Variants in NRSN1 observed in about 807,000 individuals in gnomAD.
The protein encoded by NRSN1 is neurensin-1.
A neutral mutation model predicts 17.3 loss-of-function variants in NRSN1; 14 were observed. The observed-to-expected ratio is 0.81, with a 90% confidence interval of 0.54 to 1.27. NRSN1 has a LOEUF of 1.27. NRSN1 is among the 50% of genes most tolerant of loss of function. The probability of loss-of-function intolerance (pLI) is 0.00; values close to 1 mark genes in which losing one functional copy is unlikely to be tolerated. For synonymous variants in NRSN1, 79 were observed against 94.2 expected (o/e 0.84, Z 0.93); for missense variants, 209 against 235.9 (o/e 0.89, Z 0.75).
Position 24,145,803 on chromosome 6 carries a change from T to C in NRSN1, c.445T>C (p.Phe149Leu). 6.2e-7 allele frequency: 1 copy of C among 1,613,916 alleles called. No individual in the cohort carries two copies. Among genetic ancestry groups the C allele is most frequent in the Non-Finnish European group, 8.5e-7 (1 of 1,179,984 alleles). Reference protein sequence around the residue: ...FVKSYSKEEKFLQQKFKERIA... With the variant: ...FVKSYSKEEKLLQQKFKERIA... The stretch of plus-strand genomic sequence containing the variant: ...AAAGAGCTACTCCAAAGAAGAAAAA[T>C]TCCTCCAGCAGAAGTTTAAAGAACG... The change falls in exon 4 of 4, where the codon TTC becomes CTC. Residue 149 changes from phenylalanine to leucine, a missense_variant. Phe to Leu is a conservative substitution (Grantham distance 22, BLOSUM62 0). Coordinates refer to ENST00000378491, the MANE Select transcript of NRSN1 (RefSeq NM_080723.5). This position sits in a 1 kb window ranked among gnomAD's most constrained non-coding sequence, Gnocchi z 4.4.
At position 24,131,957 on chromosome 6, in the gene NRSN1, T is replaced by C. The variant is rs1760039705; in HGVS notation, c.-9-2362T>C. Among the ~76,000 whole-genome samples, 4 of 151,844 alleles carry C rather than the reference T, an allele frequency of 2.6e-5. No individual in the cohort carries two copies. In the Middle Eastern group the frequency reaches 0.01, roughly 387 times the overall value. On this transcript the variant is annotated intron_variant, in intron 2 of 3. Coordinates refer to ENST00000378491, the MANE Select transcript of NRSN1 (RefSeq NM_080723.5). The stretch of plus-strand genomic sequence containing the variant: ...GTGTTCGTGTGTGGGGGAGTGCAGG[T>C]GTGGGTGTGTATGTGTAGACTCTTG...
At chr6:24,134,200 T>G (rs1760082490) in intron 2 of NRSN1, 119 bp from the exon 3 acceptor site, 1 of 808,144 alleles carries the variant, frequency 1.2e-6, no homozygotes, top group Non-Finnish European at 1.9e-6. Context: ...TTTTCTGTAA[T>G]GAAAAGAGCA....
At position 24,133,942 on chromosome 6, in the gene NRSN1, T is replaced by C. The variant is rs139593432; in HGVS notation, c.-9-377T>C. ...AGCCCCACCTCCCGGGTTCACGCCA[T>C]TCTCCTGCCTCAGCCTCCCAAGTAG... On this transcript the variant is annotated intron_variant, in intron 2 of 3. Transcript: ENST00000378491. 3.6e-3 allele frequency among the ~76,000 whole-genome samples: 542 copies of C among 151,866 alleles called. 7 individuals are homozygous for C. The highest frequency in any genetic ancestry group is 0.012 in the African/African-American group (497 of 41,448).
intron 1 of NRSN1, among the ~76,000 whole-genome samples, chr6:24,127,923 TA>T (rs1227033613): frequency 3.3e-5 from 5 of 152,232 alleles, no homozygotes; most frequent in Non-Finnish European, 5.9e-5. Context: ...ATTCACTTTA[TA>T]AATTATTATG....
chr6:24,142,850 G>A (rs893793839), intron 3 of NRSN1, among the ~76,000 whole-genome samples: 2 of 152,200 alleles, frequency 1.3e-5, no homozygotes, highest in South Asian at 2.1e-4. Context: ...AGGGTGGAAA[G>A]AGACCAGAGC....
At chr6:24,141,298 C>T in intron 3 of NRSN1, 2 of 1,213,624 alleles carry the variant, frequency 1.6e-6, no homozygotes, top group Non-Finnish European at 2.1e-6. Context: ...TATGGAATTG[C>T]TCCCTCAATT....
chr6:24,131,034 T>C (rs1027034521), intron 2 of NRSN1, among the ~76,000 whole-genome samples: 2 of 152,126 alleles, frequency 1.3e-5, no homozygotes, highest in African/African-American at 2.4e-5. Flanking sequence ...AAACAGACCA[T>C]GTTCTTGTTC....
intron 2 of NRSN1, among the ~76,000 whole-genome samples, chr6:24,131,387 G>A (rs767031368): frequency 7.2e-5 from 11 of 152,166 alleles, no homozygotes; most frequent in Non-Finnish European, 1.3e-4. Context: ...TCTTACTGTT[G>A]CTATGAGGGA....
chr6:24,135,215 A>G (rs962061295), intron 3 of NRSN1, among the ~76,000 whole-genome samples: 2 of 152,232 alleles, frequency 1.3e-5, no homozygotes, highest in Admixed American at 1.3e-4. Context: ...TTAGGTAGTG[A>G]TAGTGCTATG....
chr6:24,138,645 A>C (rs1442638583), intron 3 of NRSN1, among the ~76,000 whole-genome samples: 1 of 152,096 alleles, frequency 6.6e-6, no homozygotes, highest in Non-Finnish European at 1.5e-5. Context: ...AGCCTTACAA[A>C]CTGTGAAAGT....
At chr6:24,140,895 C>G (rs1459205437) in intron 3 of NRSN1, 1 of 1,308,706 alleles carries the variant, frequency 7.6e-7, no homozygotes, top group Non-Finnish European at 9.8e-7. Flanking sequence ...AATAAGTTCT[C>G]TTTCCTTTCC....
In NRSN1 at chr6:24,134,323, G is replaced by A. The variant is rs748362635; in HGVS notation, c.-5G>A. 1.9e-6 allele frequency: 3 copies of A among 1,613,352 alleles called. No individual in the cohort carries two copies. The East Asian group carries it at 6.7e-5, about 36-fold the overall frequency. On this transcript the variant is annotated 5_prime_UTR_variant, in exon 3 of 4. Coordinates refer to ENST00000378491, the MANE Select transcript of NRSN1 (RefSeq NM_080723.5). ...ATGTGGATGTTGTCATTCCAGCTGG[G>A]AAGGATGAGTTCTTGCAGCAACGTC...
intron 2 of NRSN1, among the ~76,000 whole-genome samples, chr6:24,132,860 A>T (rs941069276): frequency 2.6e-5 from 4 of 152,064 alleles, no homozygotes; most frequent in African/African-American, 9.7e-5. Context: ...CCACCCCCTG[A>T]CAGGTGTGTG....
At chr6:24,144,815 A>G (rs1196221321) in intron 3 of NRSN1, among the ~76,000 whole-genome samples, 1 of 151,894 alleles carries the variant, frequency 6.6e-6, no homozygotes, top group Non-Finnish European at 1.5e-5. Flanking sequence ...GCAGAACAGC[A>G]TGGCCTTGCT....
intron 2 of NRSN1, among the ~76,000 whole-genome samples, chr6:24,131,781 T>C (rs977088666): frequency 6.6e-6 from 1 of 152,212 alleles, no homozygotes; most frequent in African/African-American, 2.4e-5. Flanking sequence ...AAATAGAAGG[T>C]ACTGAAGAGA....
At chr6:24,142,191 C>CTTTGTT (rs1760219142) in intron 3 of NRSN1, among the ~76,000 whole-genome samples, 1 of 44,446 alleles carries the variant, frequency 2.2e-5, no homozygotes, top group Non-Finnish European at 4.2e-5. Context: ...TACAGAACAG[C>CTTTGTT]TTTTTTTTTT....
At chr6:24,135,774 T>C (rs1019022534) in intron 3 of NRSN1, among the ~76,000 whole-genome samples, 5 of 152,202 alleles carry the variant, frequency 3.3e-5, no homozygotes, top group Admixed American at 3.3e-4. Flanking sequence ...GGCACTAGAC[T>C]TCTGAGATCA....
intron 3 of NRSN1, among the ~76,000 whole-genome samples, chr6:24,144,409 A>G (rs1382806314): frequency 1.3e-5 from 2 of 152,218 alleles, no homozygotes; most frequent in Non-Finnish European, 2.9e-5. Context: ...TTACAGTAAG[A>G]AAGAATGTCA....
chr6:24,135,658 A>G (rs1760108373), intron 3 of NRSN1, among the ~76,000 whole-genome samples: 1 of 152,124 alleles, frequency 6.6e-6, no homozygotes, highest in Non-Finnish European at 1.5e-5. Context: ...GATTTAGGTA[A>G]AGGTTATGCC....
Sources: gnomAD v4.1 joint callset for allele counts (sites outside exome capture counted in the v4.1 genomes callset) on GRCh38, gnomAD v4.1.1 for gene constraint, Gnocchi (gnomAD v3.1) non-coding constraint, MANE v1.5 for transcripts, NCBI Gene and HGNC (gene_info 2026-07-23, HGNC 2026-07-21) for gene names.